IL1RL1: variants seen among roughly 807,000 people sequenced by gnomAD.
IL1RL1 encodes interleukin-1 receptor-like 1.
A neutral mutation model predicts 50.9 loss-of-function variants in IL1RL1; 32 were observed. The ratio of observed to expected loss-of-function variants is 0.63; its 90% confidence interval spans 0.47 to 0.84. The LOEUF (loss-of-function observed/expected upper bound fraction) is 0.84. Among genes scored for constraint, IL1RL1 ranks in the 40% least tolerant of loss-of-function variants. IL1RL1 has a pLI of 0.00. For missense variants in IL1RL1, 773 were observed against 662.9 expected, an observed-to-expected ratio of 1.17 and a Z score of -1.82; for synonymous variants, 275 against 236.0, an observed-to-expected ratio of 1.17 and a Z score of -1.51.
chr2:102,311,957 A>ATGTTATATATTT, intron 1 of IL1RL1, among the ~76,000 whole-genome samples: 2 of 36,616 alleles, frequency 5.5e-5, no homozygotes, highest in East Asian at 1.3e-3. Context: ...TATATAATAT[A>ATGTTATATATTT]TATTATATAT....
At chr2:102,345,489 G>T (rs1677751234) in intron 8 of IL1RL1, 1 of 985,310 alleles carries the variant, frequency 1.0e-6, no homozygotes, top group Non-Finnish European at 1.2e-6. Context: ...GCCAAAGAGT[G>T]TTAAACCCTG....
At chr2:102,325,352 A>G (rs1676965519) in intron 1 of IL1RL1, among the ~76,000 whole-genome samples, 1 of 152,200 alleles carries the variant, frequency 6.6e-6, no homozygotes, top group Non-Finnish European at 1.5e-5. Flanking sequence ...CCCCATCTGT[A>G]TGTCATCATC....
intron 1 of IL1RL1, 117 bp downstream of exon 1, chr2:102,311,740 A>G (rs758177721): frequency 2.4e-4 from 30 of 126,862 alleles, no homozygotes; most frequent in Non-Finnish European, 4.6e-4. Context: ...TTATAACATT[A>G]TATGTTATAA....
Position 102,351,623 on chromosome 2 carries a change from T to C in IL1RL1, c.1373T>C (p.Phe458Ser), listed in dbSNP as rs752047806. The C allele has an allele frequency of 3.1e-6, 5 of 1,614,112 alleles. No homozygotes were observed. The South Asian group carries it at 5.5e-5, about 18-fold the overall frequency. The change falls in exon 11 of 11, where the codon TTT becomes TCT. Residue 458 changes from phenylalanine (F) to serine (S), a missense_variant. By Grantham distance (155) the Phe-to-Ser change is radical. Coordinates refer to ENST00000233954, the MANE Select transcript of IL1RL1 (RefSeq NM_016232.5). Reference sequence around the variant, plus strand: ...CCTCAGATCACTCACAATAAGGAGTTTGCCTACGAGCAGGAGGTTGCCCTG... The same window carrying C: ...CCTCAGATCACTCACAATAAGGAGTCTGCCTACGAGCAGGAGGTTGCCCTG... ...LTPQITHNKE[F>S]AYEQEVALHC...
chr2:102,347,898 T>G (rs1002152740), intron 8 of IL1RL1, 47 bp from the exon 9 acceptor site: 107 of 1,133,998 alleles, frequency 9.4e-5, no homozygotes, highest in Non-Finnish European at 1.4e-4. Flanking sequence ...CAGTTTATTA[T>G]ATCTTGTTTC....
At chr2:102,336,689 C>CT (rs1185055260) in intron 1 of IL1RL1, among the ~76,000 whole-genome samples, 206 of 147,618 alleles carry the variant, frequency 1.4e-3, no homozygotes, top group Middle Eastern at 6.9e-3. Context: ...AGAAAAGCTC[C>CT]TTTTTTTTTT....
chr2:102,345,826 A>G, intron 8 of IL1RL1: 1 of 985,410 alleles, frequency 1.0e-6, no homozygotes, highest in Non-Finnish European at 1.2e-6. Context: ...GTGCTATGTG[A>G]GGGCCATGCT....
intron 1 of IL1RL1, among the ~76,000 whole-genome samples, chr2:102,321,920 C>T (rs1458905881): frequency 6.6e-6 from 1 of 152,202 alleles, no homozygotes; most frequent in Non-Finnish European, 1.5e-5. Flanking sequence ...TCAAACAACT[C>T]TAGTCTGATT....
chr2:102,346,042 C>T (rs752310649), intron 8 of IL1RL1: 2 of 978,960 alleles, frequency 2.0e-6, no homozygotes, highest in African/African-American at 3.5e-5. Context: ...TTTAAATCAA[C>T]ATGGTTACAC....
At chr2:102,347,169 T>C (rs1010461104) in intron 8 of IL1RL1, among the ~76,000 whole-genome samples, 2 of 152,208 alleles carry the variant, frequency 1.3e-5, no homozygotes, top group African/African-American at 2.4e-5. Flanking sequence ...CTCAGACCCG[T>C]TGATGCCTTC....
At chr2:102,321,016 G>A (rs1676821107) in intron 1 of IL1RL1, among the ~76,000 whole-genome samples, 1 of 152,202 alleles carries the variant, frequency 6.6e-6, no homozygotes, top group Admixed American at 6.5e-5. Flanking sequence ...AGCTCTCACT[G>A]CTCTGGAGTT....
intron 8 of IL1RL1, chr2:102,345,560 A>G (rs1223929247): frequency 1.1e-5 from 11 of 985,378 alleles, no homozygotes; most frequent in East Asian, 2.3e-4. Context: ...GAGAGGCACA[A>G]CAGGAGGAGA....
Position 102,342,304 on chromosome 2 carries a change from T to C in IL1RL1, c.682+10T>C. On this transcript the variant is annotated intron_variant, in intron 6 of 10. Coordinates refer to ENST00000233954, the MANE Select transcript of IL1RL1 (RefSeq NM_016232.5). ...AAGGAAGTGGAAATTGGTAAGAAAA[T>C]TTATCAGAATGCTGTAAATATTGCC... 1.3e-6 allele frequency: 2 copies of C among 1,571,636 alleles called. No individual in the cohort carries two copies. The highest frequency in any genetic ancestry group is 2.7e-5 in the African/African-American group (2 of 74,164).
chr2:102,342,046 CGTGTGT>C lies in IL1RL1; in HGVS notation c.611-140_611-135del, dbSNP rs67962088. Among the ~76,000 whole-genome samples the C allele has an allele frequency of 4.6e-3, 659 of 144,162 alleles. 5 individuals carry two copies. The highest frequency in any genetic ancestry group is 9.8e-3 in the African/African-American group (381 of 38,774). 94.6% of individuals were successfully genotyped at this position (144,162 alleles called of 152,430 possible). Reference sequence around the variant, plus strand: ...GTTTTATTTAAGTGCCTTTCTGTTTCGTGTGTGTGTGTGTGTGTGTGTGTGTGTGTG... The same window carrying C: ...GTTTTATTTAAGTGCCTTTCTGTTTCGTGTGTGTGTGTGTGTGTGTGTGTG... On this transcript the variant is annotated intron_variant, in intron 5 of 10. Transcript: ENST00000233954.
intron 3 of IL1RL1, 54 bp from the exon 4 acceptor site, chr2:102,340,044 A>T: frequency 9.3e-7 from 1 of 1,070,480 alleles, no homozygotes; most frequent in Non-Finnish European, 1.3e-6. Context: ...AATTTAGATT[A>T]AGTTATTTCA....
chr2:102,322,772 T>C lies in IL1RL1; in HGVS notation c.-150+11149T>C, dbSNP rs905994428. Among the ~76,000 whole-genome samples the C allele has an allele frequency of 1.3e-5, 2 of 152,204 alleles. 1 individual carries two copies. Among genetic ancestry groups the C allele is most frequent in the African/African-American group, 4.8e-5 (2 of 41,454 alleles). On this transcript the variant is annotated intron_variant, in intron 1 of 10. Transcript: ENST00000233954. ...CACCATCCCAACAGCACAGAAAGCA[T>C]TTCTTCTTCCCAGAGAGTTGCCCTC...
At chr2:102,312,668 TGGATATGA>T (rs1676552571) in intron 1 of IL1RL1, among the ~76,000 whole-genome samples, 1 of 150,398 alleles carries the variant, frequency 6.6e-6, no homozygotes, top group South Asian at 2.1e-4. Flanking sequence ...ATGAGAGGGG[TGGATATGA>T]GGATATGAGA....
At chr2:102,343,465 G>T (rs1406632993) in intron 8 of IL1RL1, 50 bp downstream of exon 8, 2 of 1,614,000 alleles carry the variant, frequency 1.2e-6, no homozygotes, top group East Asian at 4.5e-5. Context: ...TCTAGCAAGT[G>T]TAAGCAGAAT....
rs866016976 is a variant in IL1RL1 at position 102,312,028 on chromosome 2, T to A, written c.-150+405T>A. 5.0e-4 allele frequency among the ~76,000 whole-genome samples: 25 copies of A among 49,834 alleles called. 1 individual carries two copies. The highest frequency in any genetic ancestry group is 2.1e-3 in the African/African-American group (25 of 11,858). The allele number at this position is 49,834 out of a possible 152,430, so 32.7% of individuals were successfully genotyped here. ...TTATATATATTATATATAATATATA[T>A]TATATATTAAATATTATATATATAA... On this transcript the variant is annotated intron_variant, in intron 1 of 10. Coordinates refer to ENST00000233954, the MANE Select transcript of IL1RL1 (RefSeq NM_016232.5).
Sources: gnomAD v4.1 joint callset for allele counts (sites outside exome capture counted in the v4.1 genomes callset) on GRCh38, gnomAD v4.1.1 for gene constraint, MANE v1.5 for transcripts, NCBI Gene and HGNC (gene_info 2026-07-23, HGNC 2026-07-21) for gene names.